Variants in FNDC3B observed in about 807,000 individuals in gnomAD.
FNDC3B encodes fibronectin type III domain containing 3B, also known as fibronectin type III domain-containing protein 3B.
A neutral mutation model predicts 151.5 loss-of-function variants in FNDC3B; 12 were observed. The observed-to-expected ratio is 0.08, with a 90% CI of 0.05 to 0.13. FNDC3B has a LOEUF of 0.13. Ranked by LOEUF, FNDC3B falls within the 10% of genes least tolerant of loss-of-function variation. FNDC3B has a pLI of 1.00. For missense variants in FNDC3B, 1,214 were observed against 1,505.3 expected (o/e 0.81, Z 3.20); for synonymous variants, 528 against 549.0 (o/e 0.96, Z 0.54).
chr3:172,371,570 A>G (rs1392497454), intron 23 of FNDC3B, among the ~76,000 whole-genome samples: 1 of 152,258 alleles, frequency 6.6e-6, no homozygotes, highest in East Asian at 1.9e-4. Flanking sequence ...TAAACTTTTA[A>G]TGACCCACCC....
At chr3:172,170,556 G>T (rs1486558015) in intron 3 of FNDC3B, among the ~76,000 whole-genome samples, 1 of 152,234 alleles carries the variant, frequency 6.6e-6, no homozygotes, top group Non-Finnish European at 1.5e-5. Context: ...TGGGAGAGAA[G>T]AAAAAGAGAT....
At chr3:172,355,595 C>G (rs987568783) in intron 22 of FNDC3B, among the ~76,000 whole-genome samples, 4 of 152,156 alleles carry the variant, frequency 2.6e-5, no homozygotes, top group African/African-American at 9.7e-5. Flanking sequence ...AACCTTGGCC[C>G]TAGAGCAGTG....
chr3:172,175,479 TCTC>T (rs1472272207), intron 3 of FNDC3B, among the ~76,000 whole-genome samples: 2 of 152,166 alleles, frequency 1.3e-5, no homozygotes, highest in South Asian at 2.1e-4. Flanking sequence ...GACCTACTAT[TCTC>T]CTCCCCATTG....
At chr3:172,270,449 CAT>C in intron 6 of FNDC3B, among the ~76,000 whole-genome samples, 1 of 152,336 alleles carries the variant, frequency 6.6e-6, no homozygotes, top group Non-Finnish European at 1.5e-5. Flanking sequence ...AATTCTCTAA[CAT>C]GTGGGGCCCA....
Position 172,343,028 on chromosome 3 carries a change from T to C in FNDC3B, c.1989T>C (p.Pro663=), listed in dbSNP as rs749167661. The change falls in exon 18 of 26, where the codon CCT becomes CCC. Residue 663 remains proline (P), a synonymous_variant. Transcript: ENST00000415807. The stretch of plus-strand genomic sequence containing the variant: ...TCCTGCAGTGTTCTGAAAGTCTCCC[T>C]GTTCGCACACTAAGCATTGCACCAG... ...GGHSQCSESL[P]VRTLSIAPGQ... is the part of the protein sequence containing the mutation. The C allele has an allele frequency of 5.0e-6, 8 of 1,611,472 alleles. No homozygotes were observed. The highest frequency in any genetic ancestry group is 6.8e-6 in the Non-Finnish European group (8 of 1,177,760).
intron 3 of FNDC3B, among the ~76,000 whole-genome samples, chr3:172,136,273 A>G (rs1721358740): frequency 6.6e-6 from 1 of 152,182 alleles, no homozygotes; most frequent in Admixed American, 6.5e-5. Flanking sequence ...TGCAGAACAA[A>G]AGTGGTTGGT....
intron 1 of FNDC3B, among the ~76,000 whole-genome samples, chr3:172,067,199 C>T (rs1356794017): frequency 6.6e-6 from 1 of 152,092 alleles, no homozygotes; most frequent in Non-Finnish European, 1.5e-5. Context: ...TTTAAATTTC[C>T]ACTGTTTAGA....
At chr3:172,122,096 G>T (rs1720580561) in intron 2 of FNDC3B, among the ~76,000 whole-genome samples, 1 of 152,198 alleles carries the variant, frequency 6.6e-6, no homozygotes, top group Non-Finnish European at 1.5e-5. Flanking sequence ...TCTGCATCCA[G>T]AATATGTTTG....
chr3:172,264,202 G>A lies in FNDC3B; in HGVS notation c.790+12661G>A, dbSNP rs1162971273. On this transcript the variant is annotated intron_variant, in intron 6 of 25. Coordinates refer to ENST00000415807, the MANE Select transcript of FNDC3B (RefSeq NM_022763.4). ...TGTAGATACAGGGTCTCACTTTGTT[G>A]CCCAGGTGGTCTCGAACTCCTTGGG... is the stretch of plus-strand genomic sequence containing the variant. Among the ~76,000 whole-genome samples the A allele has an allele frequency of 2.6e-5, 4 of 152,034 alleles. 1 individual carries two copies. The South Asian group carries it at 6.3e-4, about 24-fold the overall frequency.
intron 1 of FNDC3B, among the ~76,000 whole-genome samples, chr3:172,097,923 A>C (rs1240801691): frequency 6.6e-6 from 1 of 152,216 alleles, no homozygotes; most frequent in Non-Finnish European, 1.5e-5. Flanking sequence ...TATTATACCC[A>C]AATTGATAGA....
chr3:172,103,921 G>T (rs928366291), intron 1 of FNDC3B, among the ~76,000 whole-genome samples: 5 of 152,134 alleles, frequency 3.3e-5, no homozygotes, highest in African/African-American at 1.2e-4. Context: ...AGGTTTTTCT[G>T]CATGAACAAT....
At chr3:172,041,998 T>TA (rs549231401) in intron 1 of FNDC3B, among the ~76,000 whole-genome samples, 15 of 149,966 alleles carry the variant, frequency 1.0e-4, no homozygotes, top group African/African-American at 2.0e-4. Flanking sequence ...CATAGTTGAT[T>TA]AAAAAAAAAA....
rs60051911 is a variant in FNDC3B at position 172,382,933 on chromosome 3, A to G, written c.3303+1840A>G. On this transcript the variant is annotated intron_variant, in intron 25 of 25. Coordinates refer to ENST00000415807, the MANE Select transcript of FNDC3B (RefSeq NM_022763.4). ...TCCAGCTTTGTTCTTTTTGCTTAGG[A>G]TTGTCTTGGCTATACACACTCTTTT... is the stretch of plus-strand genomic sequence containing the variant. Among the ~76,000 whole-genome samples, 1,403 of 152,152 alleles carry G rather than the reference A, an allele frequency of 9.2e-3. 22 individuals are homozygous for G. Among genetic ancestry groups the G allele is most frequent in the African/African-American group, 0.032 (1,332 of 41,482 alleles).
chr3:172,233,889 G>C (rs1456354339), intron 4 of FNDC3B, among the ~76,000 whole-genome samples: 1 of 152,270 alleles, frequency 6.6e-6, no homozygotes, highest in South Asian at 2.1e-4. Flanking sequence ...TTGGTATTGT[G>C]TTCCATGGAA....
intron 22 of FNDC3B, among the ~76,000 whole-genome samples, chr3:172,362,209 G>T (rs2108341845): frequency 6.6e-6 from 1 of 152,272 alleles, no homozygotes; most frequent in East Asian, 1.9e-4. Flanking sequence ...TCCTGTTGAT[G>T]AGTTGTCCTG....
intron 3 of FNDC3B, among the ~76,000 whole-genome samples, chr3:172,149,396 C>G (rs1384115222): frequency 6.6e-6 from 1 of 152,146 alleles, no homozygotes; most frequent in Admixed American, 6.5e-5. Flanking sequence ...TAGTCTGGTT[C>G]CATTGATCAG....
At chr3:172,119,033 G>A (rs1344032614) in intron 2 of FNDC3B, among the ~76,000 whole-genome samples, 2 of 151,966 alleles carry the variant, frequency 1.3e-5, no homozygotes, top group South Asian at 2.1e-4. Flanking sequence ...AGCCAGGCGT[G>A]GTGGTGGGCG....
intron 4 of FNDC3B, among the ~76,000 whole-genome samples, chr3:172,235,435 C>T (rs4894412): frequency 0.12 from 17,826 of 152,126 alleles, 1,333 homozygotes; most frequent in East Asian, 0.3. Flanking sequence ...GGATTAGGGT[C>T]TGTGTACCTG....
chr3:172,369,961 GA>G lies in FNDC3B; in HGVS notation c.3008+7127del, dbSNP rs919571593. ...AATCCATGGAGCCCAGGGAAATTAA[GA>G]AAAAAAAAAAGACATGTCATTTTTA... On this transcript the variant is annotated intron_variant, in intron 23 of 25. Coordinates refer to ENST00000415807, the MANE Select transcript of FNDC3B (RefSeq NM_022763.4). Among the ~76,000 whole-genome samples the G allele has an allele frequency of 6.4e-4, 90 of 141,562 alleles. No individual in the cohort carries two copies. In the South Asian group the frequency reaches 0.012, roughly 20 times the overall value. The allele number at this position is 141,562 out of a possible 152,430, so 92.9% of individuals were successfully genotyped here. A position where few individuals can be genotyped will look rare whatever the true frequency, so the allele number is the denominator to read the frequency against.
Sources: gnomAD v4.1 joint callset for allele counts (sites outside exome capture counted in the v4.1 genomes callset) on GRCh38, gnomAD v4.1.1 for gene constraint, MANE v1.5 for transcripts, NCBI Gene and HGNC (gene_info 2026-07-23, HGNC 2026-07-21) for gene names.